WNT7B: variants seen among roughly 807,000 people sequenced by gnomAD.
WNT7B encodes the protein Wnt family member 7B, also known as protein Wnt-7b.
Under a neutral mutation model 38.2 loss-of-function variants are expected in WNT7B, and 19 were observed. The observed-to-expected ratio is 0.50, with a 90% confidence interval of 0.35 to 0.73. The LOEUF (loss-of-function observed/expected upper bound fraction) is 0.73. WNT7B is among the 30% of genes least tolerant of loss of function. WNT7B has a pLI of 0.01. For missense variants in WNT7B, 423 were observed against 507.9 expected, an observed-to-expected ratio of 0.83 and a Z score of 1.61; for synonymous variants, 243 against 209.3, an observed-to-expected ratio of 1.16 and a Z score of -1.39.
At chr22:45,945,144 C>T (rs543232180) in intron 2 of WNT7B, among the ~76,000 whole-genome samples, 9 of 152,030 alleles carry the variant, frequency 5.9e-5, no homozygotes, top group African/African-American at 1.4e-4. Context: ...ACTGCAGTGG[C>T]GTGATCTTGG....
intron 3 of WNT7B, chr22:45,926,190 A>G (rs1931078519): frequency 2.0e-6 from 2 of 985,164 alleles, no homozygotes. Flanking sequence ...CACAGGGTTC[A>G]AGAATGTGCC....
At chr22:45,958,402 C>T (rs368861620) in intron 1 of WNT7B, among the ~76,000 whole-genome samples, 17 of 152,312 alleles carry the variant, frequency 1.1e-4, no homozygotes, top group African/African-American at 4.1e-4. Flanking sequence ...CCCGACACCC[C>T]TGTTGTGTTC....
At chr22:45,972,116 G>GGCCCCCCCCCC in intron 1 of WNT7B, 34 of 530,728 alleles carry the variant, frequency 6.4e-5, no homozygotes, top group South Asian at 9.1e-5. Context: ...CCCGGGGGGA[G>GGCCCCCCCCCC]CCCACCCGCC....
rs980170670 is a variant in WNT7B, at chr22:45,976,421, C to T, written c.71+263G>A. ...TGAAAGTACGCGCCGGGCACGCTCG[C>T]CGCTACCCGCGAGCCCGGCCGGACC... On this transcript the variant is annotated intron_variant, in intron 1 of 3. Coordinates refer to ENST00000339464, the MANE Select transcript of WNT7B (RefSeq NM_058238.3). The surrounding 1 kb of genome is among the most constrained non-coding windows in gnomAD (Gnocchi z 8.5). Among the ~76,000 whole-genome samples, 4 of 151,842 alleles carry T rather than the reference C, an allele frequency of 2.6e-5. No individual in the cohort carries two copies. Among genetic ancestry groups the T allele is most frequent in the African/African-American group, 4.8e-5 (2 of 41,396 alleles).
intron 3 of WNT7B, chr22:45,927,582 C>A (rs964642389): frequency 1.9e-6 from 2 of 1,057,424 alleles, no homozygotes. Flanking sequence ...GCCCTAAATC[C>A]AATGAGAGTG....
At chr22:45,940,484 C>T (rs1187522025) in intron 2 of WNT7B, among the ~76,000 whole-genome samples, 1 of 152,226 alleles carries the variant, frequency 6.6e-6, no homozygotes, top group African/African-American at 2.4e-5. Flanking sequence ...GCCTGTAACA[C>T]TCACGTTATT....
chr22:45,937,655 C>A (rs1483607944), intron 2 of WNT7B, among the ~76,000 whole-genome samples: 1 of 152,242 alleles, frequency 6.6e-6, no homozygotes, highest in African/African-American at 2.4e-5. Context: ...GCTCACGGGT[C>A]TGTGCTTCCG....
chr22:45,939,533 C>T (rs1046632783), intron 2 of WNT7B, among the ~76,000 whole-genome samples: 1 of 152,146 alleles, frequency 6.6e-6, no homozygotes, highest in Non-Finnish European at 1.5e-5. Context: ...GTGGCTCACG[C>T]CTGTAGTCCC....
intron 2 of WNT7B, among the ~76,000 whole-genome samples, chr22:45,934,095 G>A (rs185666833): frequency 6.6e-6 from 1 of 152,268 alleles, no homozygotes; most frequent in Non-Finnish European, 1.5e-5. Flanking sequence ...ACGTTAGGAT[G>A]AGGCGCGTCC....
At chr22:45,924,522 G>C (rs959435786) in intron 3 of WNT7B, among the ~76,000 whole-genome samples, 10 of 152,238 alleles carry the variant, frequency 6.6e-5, no homozygotes, top group Non-Finnish European at 1.2e-4. Flanking sequence ...GGAGGTGTGG[G>C]TATTGATGGA....
At chr22:45,961,940 C>T (rs984386064) in intron 1 of WNT7B, among the ~76,000 whole-genome samples, 2 of 152,190 alleles carry the variant, frequency 1.3e-5, no homozygotes, top group African/African-American at 2.4e-5. Context: ...CTGCAGGCTG[C>T]ACTCCACCAC....
At chr22:45,942,872 C>T (rs28404435) in intron 2 of WNT7B, among the ~76,000 whole-genome samples, 62 of 134,158 alleles carry the variant, frequency 4.6e-4, no homozygotes, top group African/African-American at 1.2e-3. Context: ...TGTGTGTGTG[C>T]GTGTGTGCAT....
Position 45,923,364 on chromosome 22 carries a change from C to T in WNT7B, c.571-29G>A, listed in dbSNP as rs185302596. On this transcript the variant is annotated intron_variant, in intron 3 of 3. Transcript: ENST00000339464. ...CGGGTGACAGGGAAGCTGCTCGGCA[C>T]GGCATGGCCCAAGCTGGGCCCCTCT... The T allele has an allele frequency of 7.1e-4, 1,110 of 1,572,466 alleles. 3 individuals are homozygous for T. The highest frequency in any genetic ancestry group is 6.5e-3 in the Middle Eastern group (37 of 5,734).
chr22:45,974,513 G>A (rs1208699630), intron 1 of WNT7B, among the ~76,000 whole-genome samples: 1 of 152,200 alleles, frequency 6.6e-6, no homozygotes, highest in Non-Finnish European at 1.5e-5. Context: ...AGATCCCAGG[G>A]TAGATCTCTG....
chr22:45,931,232 C>T lies in WNT7B; in HGVS notation c.436G>A (p.Gly146Ser). 1.9e-6 allele frequency: 3 copies of T among 1,599,404 alleles called. No homozygotes were observed. The highest frequency in any genetic ancestry group is 1.1e-5 in the South Asian group (1 of 91,076). The change falls in exon 3 of 4, where the codon GGC becomes AGC. Residue 146 changes from glycine (G) to serine (S), a missense_variant. Physicochemically the swap from Gly to Ser is moderately conservative, Grantham distance 56 (BLOSUM62 0). Coordinates refer to ENST00000339464, the MANE Select transcript of WNT7B (RefSeq NM_058238.3). The part of the protein sequence containing the change: ...EKQGYYNQAE[G>S]WKWGGCSADV... ...GCCGAGCAGCCGCCCCACTTCCAGC[C>T]CTCGGCTTGGTTGTAGTAGCCCTGC...
At chr22:45,974,339 G>A (rs1932510039) in intron 1 of WNT7B, among the ~76,000 whole-genome samples, 1 of 152,196 alleles carries the variant, frequency 6.6e-6, no homozygotes, top group Admixed American at 6.5e-5. Context: ...TAATGCAATG[G>A]GCTTCCAGGT....
chr22:45,972,111 G>A, intron 1 of WNT7B: 3 of 573,912 alleles, frequency 5.2e-6, no homozygotes, highest in South Asian at 3.9e-5. Flanking sequence ...GGAGGCCCGG[G>A]GGGAGCCCAC....
Position 45,944,302 on chromosome 22 carries a change from G to A in WNT7B, c.298+5618C>T, listed in dbSNP as rs536184419. Among the ~76,000 whole-genome samples the A allele has an allele frequency of 3.9e-5, 6 of 152,298 alleles. No homozygotes were observed. The South Asian group carries it at 8.3e-4, about 21-fold the overall frequency. On this transcript the variant is annotated intron_variant, in intron 2 of 3. Transcript: ENST00000339464. Reference sequence around the variant, plus strand: ...GACTGGGACTGGAGGACCAGCAGCCGCCTAGCCCACAGGGCCTCCATGCCA... The same window carrying A: ...GACTGGGACTGGAGGACCAGCAGCCACCTAGCCCACAGGGCCTCCATGCCA...
intron 1 of WNT7B, among the ~76,000 whole-genome samples, chr22:45,960,465 C>A (rs1182968140): frequency 1.1e-5 from 1 of 94,960 alleles, no homozygotes; most frequent in Non-Finnish European, 2.9e-5. Flanking sequence ...TCATGAGCCA[C>A]CCCACCCCCC....
Sources: allele counts gnomAD v4.1 joint callset (sites outside exome capture counted in the v4.1 genomes callset), GRCh38; gene constraint gnomAD v4.1.1; non-coding constraint Gnocchi (gnomAD v3.1); transcripts MANE v1.5; gene names NCBI Gene and HGNC (gene_info 2026-07-23, HGNC 2026-07-21).